Variants in ITPR1 observed in about 807,000 individuals in gnomAD.
ITPR1 encodes inositol 1,4,5-trisphosphate-gated calcium channel ITPR1.
A neutral mutation model predicts 318.4 loss-of-function variants in ITPR1; 96 were observed. That is an observed-to-expected ratio of 0.30 (90% CI 0.26 to 0.36). The LOEUF is 0.36. Ranked by LOEUF, ITPR1 falls within the 10% of genes least tolerant of loss-of-function variation. The pLI, the probability that ITPR1 is intolerant of heterozygous loss-of-function variation, is 1.00. For synonymous variants in ITPR1, 1,312 were observed against 1,289.9 expected (o/e 1.02, Z -0.37); for missense variants, 2,440 against 3,460.2 (o/e 0.71, Z 7.40).
chr3:4,749,706 T>A (rs976447831), intron 44 of ITPR1: 2 of 152,448 alleles, frequency 1.3e-5, no homozygotes, highest in Non-Finnish European at 2.9e-5. Flanking sequence ...TCTTGAAGAA[T>A]GCTTGCTAGG....
At chr3:4,818,437 G>C (rs1300849818) in intron 60 of ITPR1, among the ~76,000 whole-genome samples, 195 bp downstream of exon 60, 1 of 152,186 alleles carries the variant, frequency 6.6e-6, no homozygotes, top group Non-Finnish European at 1.5e-5. Flanking sequence ...CCACTAGATA[G>C]GTGGTATTGG....
At chr3:4,603,788 G>A (rs2091488182) in intron 4 of ITPR1, among the ~76,000 whole-genome samples, 1 of 152,196 alleles carries the variant, frequency 6.6e-6, no homozygotes, top group African/African-American at 2.4e-5. Context: ...ATTGTGAACA[G>A]CACTGTGATG....
intron 57 of ITPR1, 83 bp downstream of exon 57, chr3:4,813,317 T>C: frequency 1.1e-6 from 1 of 916,990 alleles, no homozygotes; most frequent in Non-Finnish European, 1.7e-6. Context: ...TGGAAGAAGA[T>C]TAAATTTACT....
chr3:4,646,445 C>A (rs1181682191), intron 10 of ITPR1, among the ~76,000 whole-genome samples: 2 of 152,012 alleles, frequency 1.3e-5, no homozygotes, highest in African/African-American at 4.8e-5. Flanking sequence ...CGTGAAGCAG[C>A]GTGGGATAAA....
At chr3:4,565,450 G>A (rs898055583) in intron 4 of ITPR1, among the ~76,000 whole-genome samples, 3 of 152,152 alleles carry the variant, frequency 2.0e-5, no homozygotes, top group Non-Finnish European at 4.4e-5. Context: ...TATGTAATAC[G>A]CAGCAGTACT....
intron 17 of ITPR1, 84 bp downstream of exon 17, chr3:4,665,380 A>G (rs1388150170): frequency 1.6e-6 from 2 of 1,265,392 alleles, no homozygotes; most frequent in East Asian, 2.4e-5. Flanking sequence ...TTAGTGTCAC[A>G]TGTCTATTTA....
chr3:4,745,063 TCTG>T (rs1559817974), intron 44 of ITPR1, among the ~76,000 whole-genome samples: 5 of 250 alleles, frequency 0.02, 1 homozygote, highest in South Asian at 0.1. Context: ...CCTTTCTCTT[TCTG>T]TGTTTTCTTT....
At chr3:4,548,746 C>G (rs1333279442) in intron 4 of ITPR1, among the ~76,000 whole-genome samples, 1 of 152,138 alleles carries the variant, frequency 6.6e-6, no homozygotes, top group African/African-American at 2.4e-5. Flanking sequence ...CACTAGCCCT[C>G]CAATTTTAAT....
At chr3:4,587,099 C>A (rs569344813) in intron 4 of ITPR1, among the ~76,000 whole-genome samples, 1 of 152,108 alleles carries the variant, frequency 6.6e-6, no homozygotes, top group Non-Finnish European at 1.5e-5. Flanking sequence ...TTTCGACGAC[C>A]GGCTTGCTTT....
chr3:4,593,861 A>G (rs2090586281), intron 4 of ITPR1, among the ~76,000 whole-genome samples: 1 of 152,200 alleles, frequency 6.6e-6, no homozygotes, highest in Non-Finnish European at 1.5e-5. Flanking sequence ...TGCTGGGTTA[A>G]GGAGCTCAGG....
chr3:4,814,583 AGG>A, intron 58 of ITPR1, 21 bp downstream of exon 58: 3 of 1,012,720 alleles, frequency 3.0e-6, no homozygotes, highest in Non-Finnish European at 1.4e-6. Context: ...CCCGAGGGGA[AGG>A]AAGGGCAAAG....
intron 40 of ITPR1, among the ~76,000 whole-genome samples, chr3:4,717,741 C>G (rs2041875939): frequency 6.6e-6 from 1 of 152,232 alleles, no homozygotes; most frequent in Non-Finnish European, 1.5e-5. Context: ...GCCTAAAGAA[C>G]TTCTCTATCT....
At chr3:4,684,900 T>G (rs182285750) in intron 29 of ITPR1, among the ~76,000 whole-genome samples, 169 bp from the exon 30 acceptor site, 2 of 152,264 alleles carry the variant, frequency 1.3e-5, no homozygotes, top group Non-Finnish European at 2.9e-5. Flanking sequence ...CTTAGTCTTA[T>G]GGATTTGGCT....
In ITPR1 at chr3:4,685,144, C is replaced by T; in HGVS notation, c.3640C>T (p.Leu1214=). 1 of 1,610,300 alleles carries T rather than the reference C, an allele frequency of 6.2e-7. No individual in the cohort carries two copies. Among genetic ancestry groups the T allele is most frequent in the South Asian group, 1.1e-5 (1 of 90,368 alleles). Residue 1214 remains leucine, a synonymous_variant, in exon 30 of 62, where the codon CTG becomes TTG. Coordinates refer to ENST00000649015, the MANE Select transcript of ITPR1 (RefSeq NM_001378452.1). ...AAAGAGCAGGAAGCAGCAACAGCGT[C>T]TGCTCCGGAACATGGGCGCGCACGC... ...VRKSRKQQQR[L]LRNMGAHAVV...
At chr3:4,753,739 C>T (rs1322950775) in intron 44 of ITPR1, among the ~76,000 whole-genome samples, 2 of 152,108 alleles carry the variant, frequency 1.3e-5, no homozygotes, top group Non-Finnish European at 2.9e-5. Context: ...TTTTCGGCTT[C>T]TATGGCCAAG....
chr3:4,697,089 T>C lies in ITPR1; in HGVS notation c.4282-58T>C. ...GTCCTTGCTGTGAAGTTGAGGCAGC[T>C]AATGAGTTCCATACACACCAAGATG... On this transcript the variant is annotated intron_variant, in intron 33 of 61. Coordinates refer to ENST00000649015, the MANE Select transcript of ITPR1 (RefSeq NM_001378452.1). 1.3e-6 allele frequency: 2 copies of C among 1,551,252 alleles called. 1 individual carries two copies. Among genetic ancestry groups the C allele is most frequent in the South Asian group, 2.3e-5 (2 of 85,836 alleles).
chr3:4,755,952 G>A (rs955211999), intron 44 of ITPR1, among the ~76,000 whole-genome samples: 2 of 152,138 alleles, frequency 1.3e-5, no homozygotes, highest in Non-Finnish European at 2.9e-5. Flanking sequence ...ATTAAAGCTG[G>A]AAACATCCTG....
intron 16 of ITPR1, 133 bp from the exon 17 acceptor site, chr3:4,665,005 G>A (rs1399872148): frequency 1.1e-6 from 1 of 870,134 alleles, no homozygotes; most frequent in Non-Finnish European, 1.9e-6. Context: ...CAGTGTTCAG[G>A]TTATGGATGT....
At chr3:4,530,535 G>A (rs2083328089) in intron 4 of ITPR1, among the ~76,000 whole-genome samples, 1 of 152,204 alleles carries the variant, frequency 6.6e-6, no homozygotes, top group Admixed American at 6.5e-5. Context: ...TGCAATCCCA[G>A]AACTTTGAGA....
Sources: allele counts gnomAD v4.1 joint callset (sites outside exome capture counted in the v4.1 genomes callset), GRCh38; gene constraint gnomAD v4.1.1; transcripts MANE v1.5; gene names NCBI Gene and HGNC (gene_info 2026-07-23, HGNC 2026-07-21).